The following COL16A1 variants were observed in gnomAD, a reference collection of about 807,000 sequenced individuals.
The protein encoded by COL16A1 is collagen type XVI alpha 1 chain.
COL16A1 carries 189 observed loss-of-function variants against 266.3 expected under a neutral mutation model. That is an observed-to-expected ratio of 0.71 (90% CI 0.63 to 0.80). COL16A1 has a LOEUF of 0.80. Among genes scored for constraint, COL16A1 ranks in the 30% least tolerant of loss-of-function variants. COL16A1 has a pLI of 0.00. For missense variants in COL16A1, 1,928 were observed against 2,122.4 expected (o/e 0.91, Z 1.80); for synonymous variants, 740 against 782.3 (o/e 0.95, Z 0.90).
Position 31,685,580 on chromosome 1 carries a change from C to G in COL16A1, c.2016+59G>C. 1.9e-6 allele frequency: 3 copies of G among 1,573,634 alleles called. No individual in the cohort carries two copies. Among genetic ancestry groups the G allele is most frequent in the South Asian group, 2.3e-5 (2 of 86,316 alleles). On this transcript the variant is annotated intron_variant, in intron 29 of 70. Coordinates refer to ENST00000373672, the MANE Select transcript of COL16A1 (RefSeq NM_001856.4). The surrounding 1 kb of genome is among the most constrained non-coding windows in gnomAD (Gnocchi z 4.0). Reference sequence around the variant, plus strand: ...AAGAGACCCAGGCAGGACCCCTCCCCTCTCCTTAGCCCCGCCTGCATCCCC... The same window carrying G: ...AAGAGACCCAGGCAGGACCCCTCCCGTCTCCTTAGCCCCGCCTGCATCCCC...
chr1:31,687,093 G>C (rs559285792), intron 26 of COL16A1, among the ~76,000 whole-genome samples: 2 of 152,118 alleles, frequency 1.3e-5, no homozygotes, highest in African/African-American at 4.8e-5. Flanking sequence ...TTAAACTACC[G>C]GGTGAAGGCT....
intron 32 of COL16A1, 49 bp downstream of exon 32, chr1:31,684,060 A>G (rs773089624): frequency 3.7e-6 from 6 of 1,613,188 alleles, no homozygotes; most frequent in Non-Finnish European, 5.1e-6. Context: ...GACAGGAGGG[A>G]GAGGAGGCAA....
chr1:31,689,068 T>G lies in COL16A1; in HGVS notation c.1638A>C (p.Gln546His), dbSNP rs915879255. 3 of 1,613,860 alleles carry G rather than the reference T, an allele frequency of 1.9e-6. No homozygotes were observed. In the African/African-American group the frequency reaches 4.0e-5, roughly 22 times the overall value. Residue 546 changes from glutamine (Q) to histidine (H), a missense_variant, in exon 24 of 71, where the codon CAA becomes CAC. Coordinates refer to ENST00000373672, the MANE Select transcript of COL16A1 (RefSeq NM_001856.4). ...PVPARGDPGI[Q>H]GIKGEKGEPC... ...CCCTCACCTTCTCTCCTTTGATGCCTTGGATGCCAGGGTCTCCCTGCAGGG... is the reference window on the plus strand; with the variant it reads ...CCCTCACCTTCTCTCCTTTGATGCCGTGGATGCCAGGGTCTCCCTGCAGGG...
At chr1:31,703,555 G>A (rs779264850) in intron 1 of COL16A1, among the ~76,000 whole-genome samples, 6 of 152,228 alleles carry the variant, frequency 3.9e-5, no homozygotes, top group East Asian at 3.9e-4. Flanking sequence ...GTCCCCTTCC[G>A]GCTCCTAGTC....
chr1:31,660,508 G>T, intron 62 of COL16A1, 77 bp downstream of exon 62: 1 of 1,579,434 alleles, frequency 6.3e-7, no homozygotes, highest in South Asian at 1.1e-5. Context: ...CTCAGGTCAT[G>T]ACAGCCTATG....
At chr1:31,696,024 GT>G in intron 9 of COL16A1, 63 bp downstream of exon 9, 5 of 1,431,132 alleles carry the variant, frequency 3.5e-6, no homozygotes, top group Non-Finnish European at 3.9e-6. Flanking sequence ...TATCCCTGGG[GT>G]TTACAGGGGC....
chr1:31,672,629 C>CAA lies in COL16A1; in HGVS notation c.2983_2984dup (p.Leu995PhefsTer47), dbSNP rs1642827492. The CAA allele has an allele frequency of 6.2e-6, 10 of 1,603,972 alleles. No homozygotes were observed. The highest frequency in any genetic ancestry group is 8.5e-6 in the Non-Finnish European group (10 of 1,174,420). ...CCTCGGCTCTTGGGCGCTCCAGTGA[C>CAA]AAAAAGCACTGCAAGGGACAATGAG... On this transcript the variant is annotated frameshift_variant, in exon 46 of 71. Coordinates refer to ENST00000373672, the MANE Select transcript of COL16A1 (RefSeq NM_001856.4). LOFTEE classifies it high-confidence loss of function.
At position 31,656,064 on chromosome 1, in the gene COL16A1, T is replaced by C. The variant is rs1158277787; in HGVS notation, c.4101+336A>G. 1 of 403,240 alleles carries C rather than the reference T, an allele frequency of 2.5e-6. No homozygotes were observed. Among genetic ancestry groups the C allele is most frequent in the Non-Finnish European group, 4.5e-6 (1 of 220,528 alleles). 25.0% of individuals were successfully genotyped at this position (403,240 alleles called of 1,614,324 possible). ...CCTAGTGTAAGTGTGACTGGTCTAT[T>C]GTGAGCACCTATTGTTCAGGGACCT... On this transcript the variant is annotated intron_variant, in intron 66 of 70. Transcript: ENST00000373672. This position sits in a 1 kb window ranked among gnomAD's most constrained non-coding sequence, Gnocchi z 4.2.
At chr1:31,700,000 A>G (rs756095149) in intron 3 of COL16A1, 41 bp downstream of exon 3, 2 of 1,608,784 alleles carry the variant, frequency 1.2e-6, no homozygotes, top group Non-Finnish European at 1.7e-6. Context: ...CTCCCAGAGG[A>G]AGGTTGCAGG....
intron 51 of COL16A1, 29 bp from the exon 52 acceptor site, chr1:31,667,657 T>C: frequency 1.3e-6 from 2 of 1,590,794 alleles, no homozygotes; most frequent in Non-Finnish European, 8.6e-7. Flanking sequence ...ACAGTGGAAT[T>C]AGCCCCACAG....
chr1:31,680,200 A>G, intron 39 of COL16A1, 99 bp from the exon 40 acceptor site: 1 of 1,512,374 alleles, frequency 6.6e-7, no homozygotes. Context: ...TGGAGAGGCC[A>G]GGGTTTCAAT....
rs756438818 is a variant in COL16A1, at chr1:31,702,124, T to C, written c.70A>G (p.Thr24Ala). Residue 24 changes from threonine to alanine, a missense_variant, in exon 2 of 71, where the codon ACA (threonine) becomes GCA (alanine). Coordinates refer to ENST00000373672, the MANE Select transcript of COL16A1 (RefSeq NM_001856.4). ...TGACTCTCCTGTGTCATCTCACCTG[T>C]ATTTGCCCCATGGCCGAAGGTAGCC... The part of the protein sequence containing the change: ...LWATFGHGAN[T>A]GAQCPPSQQE... 2 of 1,614,026 alleles carry C rather than the reference T, an allele frequency of 1.2e-6. No individual in the cohort carries two copies. The highest frequency in any genetic ancestry group is 2.2e-5 in the South Asian group (2 of 91,072).
At chr1:31,699,303 G>T (rs1644630423) in intron 4 of COL16A1, among the ~76,000 whole-genome samples, 3 of 152,088 alleles carry the variant, frequency 2.0e-5, no homozygotes, top group Admixed American at 1.3e-4. Flanking sequence ...GAATACCCTA[G>T]GTGAATAACT....
In COL16A1 at chr1:31,662,299, G is replaced by A. The variant is rs767025532; in HGVS notation, c.3681+35C>T. ...TTGGCTCCTCTGGCAAAAAGGAGAGGAAGGGGTGCCCGCCCTCCCAGCCCA... is the reference window on the plus strand; with the variant it reads ...TTGGCTCCTCTGGCAAAAAGGAGAGAAAGGGGTGCCCGCCCTCCCAGCCCA... On this transcript the variant is annotated intron_variant, in intron 58 of 70. Coordinates refer to ENST00000373672, the MANE Select transcript of COL16A1 (RefSeq NM_001856.4). The A allele has an allele frequency of 3.3e-5, 53 of 1,600,482 alleles. No homozygotes were observed. In the South Asian group the frequency reaches 5.3e-4, roughly 16 times the overall value.
intron 54 of COL16A1, 109 bp downstream of exon 54, chr1:31,665,773 G>A (rs1389229968): frequency 5.0e-6 from 8 of 1,600,976 alleles, no homozygotes; most frequent in Non-Finnish European, 6.8e-6. Flanking sequence ...CTGGGCATGA[G>A]GTAGGTCACA....
At position 31,697,570 on chromosome 1, in the gene COL16A1, G is replaced by A. The variant is rs74063968; in HGVS notation, c.658-270C>T. On this transcript the variant is annotated intron_variant, in intron 6 of 70. Transcript: ENST00000373672. This position sits in a 1 kb window ranked among gnomAD's most constrained non-coding sequence, Gnocchi z 4.2. ...GGGCTGGTAGCTACTCAGCGGATGA[G>A]TATGCAAGGAAAGGCATTCCAGGTG... 1.4e-3 allele frequency among the ~76,000 whole-genome samples: 220 copies of A among 152,316 alleles called. 1 individual carries two copies. The highest frequency in any genetic ancestry group is 5.1e-3 in the African/African-American group (213 of 41,578).
At chr1:31,660,679 ACTTG>A in intron 61 of COL16A1, 41 bp from the exon 62 acceptor site, 1 of 1,611,656 alleles carries the variant, frequency 6.2e-7, no homozygotes, top group Middle Eastern at 1.7e-4. Context: ...ACTGAAACTG[ACTTG>A]CTTGCACCAT....
intron 64 of COL16A1, among the ~76,000 whole-genome samples, chr1:31,658,144 G>A (rs1641331465): frequency 6.6e-6 from 1 of 152,238 alleles, no homozygotes; most frequent in Non-Finnish European, 1.5e-5. Context: ...TAACAGCACT[G>A]CATTTCTGGT....
chr1:31,693,236 C>T (rs1441776067), intron 12 of COL16A1, 82 bp from the exon 13 acceptor site: 4 of 865,284 alleles, frequency 4.6e-6, no homozygotes, highest in Admixed American at 3.7e-5. Flanking sequence ...TTCTGGCCCC[C>T]TCCACCCATC....
Sources: gnomAD v4.1 joint callset for allele counts (sites outside exome capture counted in the v4.1 genomes callset) on GRCh38, gnomAD v4.1.1 for gene constraint, Gnocchi (gnomAD v3.1) non-coding constraint, MANE v1.5 for transcripts, NCBI Gene and HGNC (gene_info 2026-07-23, HGNC 2026-07-21) for gene names.